Variants in HEPHL1 observed in about 807,000 individuals in gnomAD.
HEPHL1 encodes the protein hephaestin like 1, also known as ferroxidase HEPHL1.
Under a neutral mutation model 122.0 loss-of-function variants are expected in HEPHL1, and 123 were observed. The ratio of observed to expected loss-of-function variants is 1.01; its 90% confidence interval spans 0.87 to 1.17. HEPHL1 has a LOEUF of 1.17. Among genes scored for constraint, HEPHL1 ranks in the 50% most tolerant of loss-of-function variants. HEPHL1 has a pLI of 0.00. For synonymous variants in HEPHL1, 527 were observed against 508.9 expected, an observed-to-expected ratio of 1.04 and a Z score of -0.48; for missense variants, 1,452 against 1,430.5, an observed-to-expected ratio of 1.01 and a Z score of -0.24.
At chr11:94,082,616 T>G (rs1467837605) in intron 10 of HEPHL1, 48 bp downstream of exon 10, 1 of 1,549,526 alleles carries the variant, frequency 6.5e-7, no homozygotes, top group South Asian at 1.2e-5. Context: ...TGACTTGCAT[T>G]AGAAGTGAAA....
rs3060401 is a variant in HEPHL1, at chr11:94,056,657, T to TATATATC, written c.416-6851_416-6850insATATATC. Among the ~76,000 whole-genome samples, 3 of 111,916 alleles carry TATATATC rather than the reference T, an allele frequency of 2.7e-5. No individual in the cohort carries two copies. The South Asian group carries it at 9.7e-4, about 36-fold the overall frequency. The allele number at this position is 111,916 out of a possible 152,430, so 73.4% of individuals were successfully genotyped here. On this transcript the variant is annotated intron_variant, in intron 2 of 19. Coordinates refer to ENST00000315765, the MANE Select transcript of HEPHL1 (RefSeq NM_001098672.2). ...TCCCCCTCCTTTGTGCTATTATTGA[T>TATATATC]TATCTATCTATCTATCTATCTATCT... is the stretch of plus-strand genomic sequence containing the variant.
intron 18 of HEPHL1, 100 bp from the exon 19 acceptor site, chr11:94,111,437 T>C (rs1842221705): frequency 1.1e-6 from 1 of 915,634 alleles, no homozygotes; most frequent in African/African-American, 1.6e-5. Flanking sequence ...TGGCAGATAC[T>C]GATGGGATAA....
At chr11:94,064,242 A>AACTTCAC in intron 3 of HEPHL1, 89 bp from the exon 4 acceptor site, 1 of 995,102 alleles carries the variant, frequency 1.0e-6, no homozygotes, top group Non-Finnish European at 1.5e-6. Context: ...GTCTTCACCA[A>AACTTCAC]ACTTCACACT....
chr11:94,072,932 G>A, intron 6 of HEPHL1, 93 bp from the exon 7 acceptor site: 5 of 1,200,170 alleles, frequency 4.2e-6, no homozygotes, highest in Non-Finnish European at 5.9e-6. Flanking sequence ...GGGTGGGCGA[G>A]TGGACTAAAA....
chr11:94,061,224 G>C (rs1255969968), intron 2 of HEPHL1, among the ~76,000 whole-genome samples: 3 of 152,100 alleles, frequency 2.0e-5, no homozygotes, highest in African/African-American at 7.2e-5. Context: ...TTTACAAGTA[G>C]GGATGTCAAG....
chr11:94,079,589 G>T (rs1164699122), intron 9 of HEPHL1, among the ~76,000 whole-genome samples: 1 of 152,148 alleles, frequency 6.6e-6, no homozygotes, highest in Non-Finnish European at 1.5e-5. Context: ...TTAGTGGTTT[G>T]CAAGAGAAAA....
intron 17 of HEPHL1, among the ~76,000 whole-genome samples, chr11:94,110,682 G>A (rs1194210818): frequency 6.6e-6 from 1 of 152,304 alleles, no homozygotes; most frequent in South Asian, 2.1e-4. Flanking sequence ...CATCATGGAA[G>A]CTGGCTACTA....
In HEPHL1 at chr11:94,096,111, A is replaced by AATTCCC. The variant is rs1946310186; in HGVS notation, c.2434+2473_2434+2474insTCCCAT. On this transcript the variant is annotated intron_variant, in intron 13 of 19. Transcript: ENST00000315765. ...CTGTCTTGTGCCAGTTTTCAAAGGGAATGCTTCCAGTTTTTGCCCATTCAG... is the reference window on the plus strand; with the variant it reads ...CTGTCTTGTGCCAGTTTTCAAAGGGAATTCCCATGCTTCCAGTTTTTGCCCATTCAG... 2.0e-5 allele frequency among the ~76,000 whole-genome samples: 3 copies of AATTCCC among 152,262 alleles called. No individual in the cohort carries two copies. The South Asian group carries it at 6.2e-4, about 32-fold the overall frequency.
chr11:94,070,753 C>T (rs1946068390), intron 6 of HEPHL1, among the ~76,000 whole-genome samples: 1 of 152,086 alleles, frequency 6.6e-6, no homozygotes, highest in Non-Finnish European at 1.5e-5. Flanking sequence ...ACGGCTGAAT[C>T]AAAACACTAG....
intron 13 of HEPHL1, among the ~76,000 whole-genome samples, chr11:94,093,971 G>GGTATATATATAT (rs1946284079): frequency 1.4e-5 from 1 of 72,746 alleles, no homozygotes; most frequent in Non-Finnish European, 2.8e-5. Context: ...TCCTCCAGCA[G>GGTATATATATAT]ATATATATAT....
chr11:94,045,696 G>A lies in HEPHL1; in HGVS notation c.194G>A (p.Arg65Lys), dbSNP rs766928747. The change falls in exon 2 of 20, where the codon AGA becomes AAA. Residue 65 changes from arginine (R) to lysine (K), a missense_variant. Arg to Lys is a conservative substitution (Grantham distance 26). Coordinates refer to ENST00000315765, the MANE Select transcript of HEPHL1 (RefSeq NM_001098672.2). ...AGACTTGCAACCTTATTTCTCGAAA[G>A]AGGGCCCAACAGGATAGGCAGTATT... ...EDKLATLFLE[R>K]GPNRIGSIYK... The A allele has an allele frequency of 6.8e-6, 11 of 1,608,636 alleles. No individual in the cohort carries two copies. The Admixed American group carries it at 8.5e-5, about 12-fold the overall frequency.
intron 16 of HEPHL1, among the ~76,000 whole-genome samples, chr11:94,105,056 T>TAAG (rs1223038119): frequency 6.6e-6 from 1 of 152,246 alleles, no homozygotes; most frequent in Admixed American, 6.5e-5. Context: ...CATATTTTTA[T>TAAG]AAGAATATGC....
intron 2 of HEPHL1, among the ~76,000 whole-genome samples, chr11:94,054,807 C>T (rs776495171): frequency 6.6e-6 from 1 of 152,128 alleles, no homozygotes. Flanking sequence ...GGGAATTTTT[C>T]GTAGGGGAGT....
At chr11:94,061,385 C>T (rs1033410211) in intron 2 of HEPHL1, among the ~76,000 whole-genome samples, 3 of 151,962 alleles carry the variant, frequency 2.0e-5, no homozygotes, top group South Asian at 4.2e-4. Context: ...AAGAAGCCAG[C>T]GTTATACTTT....
intron 2 of HEPHL1, chr11:94,055,736 T>C (rs1945930978): frequency 7.3e-5 from 28 of 382,586 alleles, no homozygotes; most frequent in South Asian, 6.2e-4. Flanking sequence ...TCACTACCAG[T>C]GATGACTGGT....
chr11:94,077,545 C>A (rs1946136141), intron 9 of HEPHL1, among the ~76,000 whole-genome samples: 2 of 152,074 alleles, frequency 1.3e-5, no homozygotes, highest in Admixed American at 1.3e-4. Flanking sequence ...CATTTATATT[C>A]TTTTAGTTAT....
chr11:94,096,232 G>A (rs1354683591), intron 13 of HEPHL1, among the ~76,000 whole-genome samples: 6 of 152,126 alleles, frequency 3.9e-5, no homozygotes, highest in Admixed American at 1.3e-4. Context: ...AGCATGAAGC[G>A]CTGTTGAATT....
At chr11:94,036,551 G>A (rs975394483) in intron 1 of HEPHL1, among the ~76,000 whole-genome samples, 27 of 152,068 alleles carry the variant, frequency 1.8e-4, no homozygotes, top group African/African-American at 5.8e-4. Context: ...AGATCCAACT[G>A]GTCTACCCAT....
At chr11:94,093,354 A>G in intron 12 of HEPHL1, 147 bp from the exon 13 acceptor site, 1 of 827,184 alleles carries the variant, frequency 1.2e-6, no homozygotes, top group South Asian at 1.5e-5. Flanking sequence ...CCCAGAAAGT[A>G]TGGTGCAAAA....
Sources: allele counts gnomAD v4.1 joint callset (sites outside exome capture counted in the v4.1 genomes callset), GRCh38; gene constraint gnomAD v4.1.1; transcripts MANE v1.5; gene names NCBI Gene and HGNC (gene_info 2026-07-23, HGNC 2026-07-21).